Variants in RALYL observed in about 807,000 individuals in gnomAD.
RALYL encodes RALY RNA binding protein like.
RALYL carries 29 observed loss-of-function variants against 35.1 expected under a neutral mutation model. That is an observed-to-expected ratio of 0.83 (90% CI 0.61 to 1.13). RALYL has a LOEUF of 1.13. Among genes scored for constraint, RALYL ranks in the 50% most tolerant of loss-of-function variants. The probability of loss-of-function intolerance (pLI) is 0.00; values close to 1 mark genes in which losing one functional copy is unlikely to be tolerated. For synonymous variants in RALYL, 120 were observed against 127.6 expected, an observed-to-expected ratio of 0.94 and a Z score of 0.40; for missense variants, 359 against 360.4, an observed-to-expected ratio of 1.00 and a Z score of 0.03.
At chr8:84,338,758 T>C (rs1360617861) in intron 1 of RALYL, among the ~76,000 whole-genome samples, 1 of 152,040 alleles carries the variant, frequency 6.6e-6, no homozygotes, top group East Asian at 1.9e-4. Flanking sequence ...GACATAGTCA[T>C]CCATATTTTA....
chr8:84,590,268 A>G (rs1361672807), intron 2 of RALYL, among the ~76,000 whole-genome samples: 1 of 152,174 alleles, frequency 6.6e-6, no homozygotes, highest in East Asian at 1.9e-4. Flanking sequence ...CCACATAATT[A>G]TTGTTTCAAA....
intron 2 of RALYL, among the ~76,000 whole-genome samples, chr8:84,537,514 G>A (rs2059696289): frequency 2.0e-5 from 3 of 151,798 alleles, no homozygotes; most frequent in South Asian, 4.2e-4. Flanking sequence ...GGCTGTGGAG[G>A]GACTTAAATG....
At chr8:84,607,057 C>T (rs1249416256) in intron 2 of RALYL, among the ~76,000 whole-genome samples, 1 of 151,946 alleles carries the variant, frequency 6.6e-6, no homozygotes, top group African/African-American at 2.4e-5. Context: ...GGGACTCATA[C>T]ATTTTAATTG....
chr8:84,502,878 A>G (rs944965766), intron 1 of RALYL, among the ~76,000 whole-genome samples: 4 of 151,506 alleles, frequency 2.6e-5, no homozygotes, highest in Non-Finnish European at 4.4e-5. Context: ...TTTAATTAAT[A>G]TATTTATTTC....
intron 7 of RALYL, among the ~76,000 whole-genome samples, chr8:84,874,446 C>A (rs1840764466): frequency 6.6e-6 from 1 of 152,118 alleles, no homozygotes; most frequent in Non-Finnish European, 1.5e-5. Flanking sequence ...ATTTAGTGCC[C>A]TTTCCCATTT....
intron 1 of RALYL, among the ~76,000 whole-genome samples, chr8:84,219,158 A>G (rs1821576560): frequency 6.6e-6 from 1 of 152,070 alleles, no homozygotes. Context: ...TTTCATCTTG[A>G]ATTATAATCC....
intron 1 of RALYL, among the ~76,000 whole-genome samples, chr8:84,332,461 G>A (rs183674816): frequency 8.2e-4 from 124 of 152,114 alleles, no homozygotes; most frequent in Non-Finnish European, 9.1e-4. Context: ...GAGGACAAAG[G>A]GGCAGGGGAA....
chr8:84,471,745 A>C (rs2052782971), intron 1 of RALYL, among the ~76,000 whole-genome samples: 1 of 152,190 alleles, frequency 6.6e-6, no homozygotes, highest in Non-Finnish European at 1.5e-5. Flanking sequence ...AAATTTCTTA[A>C]ACATTGGGTA....
intron 4 of RALYL, among the ~76,000 whole-genome samples, chr8:84,807,276 A>G (rs1369116955): frequency 1.3e-5 from 2 of 152,120 alleles, no homozygotes; most frequent in African/African-American, 4.8e-5. Context: ...TTGGTTTTCC[A>G]TTCCTGAGTT....
intron 1 of RALYL, among the ~76,000 whole-genome samples, chr8:84,467,408 G>T (rs2051866952): frequency 6.6e-6 from 1 of 151,674 alleles, no homozygotes; most frequent in African/African-American, 2.4e-5. Flanking sequence ...GTACCCAGTA[G>T]TCATTCAGGA....
intron 1 of RALYL, among the ~76,000 whole-genome samples, chr8:84,411,960 T>A (rs1171111997): frequency 6.6e-6 from 1 of 151,878 alleles, no homozygotes; most frequent in South Asian, 2.1e-4. Flanking sequence ...TTTAAAAAAA[T>A]TATCTCTAGT....
chr8:84,217,586 T>A (rs1821133633), intron 1 of RALYL, among the ~76,000 whole-genome samples: 1 of 152,076 alleles, frequency 6.6e-6, no homozygotes, highest in South Asian at 2.1e-4. Context: ...GAATTAAAGT[T>A]GGAAACGTAA....
chr8:84,418,033 C>T (rs193113103), intron 1 of RALYL, among the ~76,000 whole-genome samples: 1 of 152,106 alleles, frequency 6.6e-6, no homozygotes, highest in East Asian at 1.9e-4. Context: ...TGTGGAAATA[C>T]AAATTCAATC....
rs180755859 is a variant in RALYL at position 84,860,169 on chromosome 8, A to G, written c.414-2127A>G. 5.3e-5 allele frequency among the ~76,000 whole-genome samples: 8 copies of G among 152,344 alleles called. No homozygotes were observed. In the East Asian group the frequency reaches 1.3e-3, roughly 26 times the overall value. ...TATTAAATTACATTGCAATTAAAGT[A>G]GCAGTGAATATAGTGAACTTTACTT... is the stretch of plus-strand genomic sequence containing the variant. On this transcript the variant is annotated intron_variant, in intron 5 of 8. Coordinates refer to ENST00000521268, the MANE Select transcript of RALYL (RefSeq NM_173848.7).
At chr8:84,582,179 A>G (rs1810985721) in intron 2 of RALYL, among the ~76,000 whole-genome samples, 1 of 152,154 alleles carries the variant, frequency 6.6e-6, no homozygotes, top group Non-Finnish European at 1.5e-5. Context: ...ATATTTCAAT[A>G]TATTCAAGTC....
chr8:84,879,417 T>C (rs28476557), intron 7 of RALYL, among the ~76,000 whole-genome samples: 1 of 152,140 alleles, frequency 6.6e-6, no homozygotes. Context: ...CAAAGTACTT[T>C]CACCATAAAA....
chr8:84,723,759 C>T (rs959659769), intron 2 of RALYL, among the ~76,000 whole-genome samples: 1 of 151,782 alleles, frequency 6.6e-6, no homozygotes, highest in Non-Finnish European at 1.5e-5. Flanking sequence ...TAACATCAAT[C>T]TTTAAGTAGT....
chr8:84,619,052 G>GA (rs1325424256), intron 2 of RALYL, among the ~76,000 whole-genome samples: 2 of 150,028 alleles, frequency 1.3e-5, no homozygotes, highest in Admixed American at 6.6e-5. Context: ...GTGTGGTGCT[G>GA]AAAAAAATGT....
chr8:84,752,427 T>C (rs560080817), intron 2 of RALYL, among the ~76,000 whole-genome samples: 6 of 152,218 alleles, frequency 3.9e-5, no homozygotes, highest in Admixed American at 3.9e-4. Context: ...CCTGGATATA[T>C]GGTAGAAAAG....
Sources: allele counts gnomAD v4.1 joint callset (sites outside exome capture counted in the v4.1 genomes callset), GRCh38; gene constraint gnomAD v4.1.1; transcripts MANE v1.5; gene names NCBI Gene and HGNC (gene_info 2026-07-23, HGNC 2026-07-21).